PEX5: variants seen among roughly 807,000 people sequenced by gnomAD.
PEX5 encodes peroxisomal biogenesis factor 5.
In PEX5, 52 loss-of-function variants were observed where a neutral mutation model predicts 82.9. The observed-to-expected ratio is 0.63, with a 90% CI of 0.50 to 0.79. PEX5 has a LOEUF of 0.79. PEX5 is among the 30% of genes least tolerant of loss of function. The probability of loss-of-function intolerance (pLI) is 0.00; values close to 1 mark genes in which losing one functional copy is unlikely to be tolerated. For missense variants in PEX5, 719 were observed against 815.2 expected (o/e 0.88, Z 1.44); for synonymous variants, 300 against 318.8 (o/e 0.94, Z 0.63).
At chr12:7,209,900 C>G (rs1487080772) in intron 15 of PEX5, 60 bp downstream of exon 15, 19 of 1,605,392 alleles carry the variant, frequency 1.2e-5, no homozygotes, top group Non-Finnish European at 1.4e-5. Flanking sequence ...TTGGCCCTAG[C>G]TCCTTATTCT....
At chr12:7,216,891 A>C (rs1945795090) in intron 17 of PEX5, among the ~76,000 whole-genome samples, 1 of 152,208 alleles carries the variant, frequency 6.6e-6, no homozygotes, top group South Asian at 2.1e-4. Context: ...AAAGGAGATA[A>C]AGTGTTTGTG....
rs1393674968 is a variant in PEX5 at position 7,208,459 on chromosome 12, G to A, written c.1184G>A (p.Cys395Tyr). The change falls in exon 13 of 16, where the codon TGT (cysteine) becomes TAT (tyrosine). Residue 395 changes from cysteine (C) to tyrosine (Y), a missense_variant and splice_region_variant. By Grantham distance (194) the Cys-to-Tyr change is radical (BLOSUM62 -2). Coordinates refer to ENST00000675855, the MANE Select transcript of PEX5 (RefSeq NM_001351132.2). Reference protein sequence around the residue: ...ELLAISALRRCLELKPDNQTA... With the variant: ...ELLAISALRRYLELKPDNQTA... The stretch of plus-strand genomic sequence containing the variant: ...TCTGCCCATCCCTGATCAAACAGGT[G>A]TCTGGAGCTAAAGCCAGATAACCAG... 6.2e-7 allele frequency: 1 copy of A among 1,613,020 alleles called. No homozygotes were observed. Among genetic ancestry groups the A allele is most frequent in the South Asian group, 1.1e-5 (1 of 91,048 alleles).
At chr12:7,215,636 G>A (rs1385573494), downstream of PEX5, among the ~76,000 whole-genome samples, 2 of 152,078 alleles carry the variant, frequency 1.3e-5, no homozygotes, top group Non-Finnish European at 2.9e-5. Context: ...AAATTAACAC[G>A]GGAACAGAAA....
rs768913130 is a variant in PEX5, at chr12:7,201,857, C to T, written c.642+16C>T. ...TAATTCTGAGGTGAGCCACATCCCT[C>T]TGCTGCTTTGCCCAGCAGAGCTGGT... On this transcript the variant is annotated intron_variant, in intron 7 of 15. Transcript: ENST00000675855. The T allele has an allele frequency of 1.8e-5, 29 of 1,583,404 alleles. No homozygotes were observed. The highest frequency in any genetic ancestry group is 2.3e-5 in the Non-Finnish European group (27 of 1,152,388).
downstream of PEX5, among the ~76,000 whole-genome samples, chr12:7,214,365 T>G (rs12228601): frequency 2.0e-5 from 3 of 151,520 alleles, no homozygotes; most frequent in Non-Finnish European, 2.9e-5. Flanking sequence ...GTGGCACATA[T>G]ACACCATGGA....
chr12:7,201,197 A>C (rs140063691), intron 6 of PEX5, among the ~76,000 whole-genome samples: 1 of 151,986 alleles, frequency 6.6e-6, no homozygotes, highest in Non-Finnish European at 1.5e-5. Context: ...GCATACATAC[A>C]CATACATGTG....
At chr12:7,199,714 A>G (rs149438189) in intron 6 of PEX5, among the ~76,000 whole-genome samples, 108,314 of 147,816 alleles carry the variant, frequency 0.73, 40,527 homozygotes, top group South Asian at 0.84. Context: ...TCAATGAGCT[A>G]TTGGGTACAC....
downstream of PEX5, among the ~76,000 whole-genome samples, chr12:7,213,637 AGGCAT>A (rs1246697664): frequency 2.4e-4 from 36 of 149,678 alleles, no homozygotes; most frequent in African/African-American, 8.4e-4. Context: ...AAGAAAACCT[AGGCAT>A]TACCATTCAG....
downstream of PEX5, among the ~76,000 whole-genome samples, chr12:7,211,722 GT>G (rs1275644563): frequency 2.0e-5 from 3 of 152,266 alleles, no homozygotes; most frequent in East Asian, 5.8e-4. Context: ...AAAGTGTGCA[GT>G]GCCATATAAT....
chr12:7,201,616 T>G (rs921803057), intron 6 of PEX5, 135 bp from the exon 7 acceptor site: 5 of 725,296 alleles, frequency 6.9e-6, no homozygotes, highest in Non-Finnish European at 1.3e-5. Context: ...ATAATGCAAA[T>G]TGGAGTTTGT....
chr12:7,209,915 T>C, intron 15 of PEX5, 75 bp downstream of exon 15: 1 of 1,602,176 alleles, frequency 6.2e-7, no homozygotes, highest in Non-Finnish European at 8.5e-7. Context: ...TATTCTTAGA[T>C]CCTGTTTGAC....
intron 1 of PEX5, 62 bp from the exon 2 acceptor site, chr12:7,190,300 G>A: frequency 1.9e-6 from 3 of 1,601,868 alleles, no homozygotes; most frequent in East Asian, 2.2e-5. Context: ...TACGGGCAGA[G>A]TTGTGGATGT....
chr12:7,213,065 G>C (rs1009071950), downstream of PEX5, among the ~76,000 whole-genome samples: 1 of 151,930 alleles, frequency 6.6e-6, no homozygotes, highest in African/African-American at 2.4e-5. Context: ...CAGTGCTCAA[G>C]GAAATAAAAG....
rs1460981277 is a variant in PEX5 at position 7,209,741 on chromosome 12, A to G, written c.1619A>G (p.Glu540Gly). The G allele has an allele frequency of 6.7e-7, 1 of 1,492,438 alleles. No individual in the cohort carries two copies. Among genetic ancestry groups the G allele is most frequent in the Admixed American group, 2.0e-5 (1 of 50,602 alleles). 92.4% of individuals were successfully genotyped at this position (1,492,438 alleles called of 1,614,324 possible). Residue 540 changes from glutamate (E) to glycine (G), a missense_variant, in exon 15 of 16, where the codon GAA becomes GGA. Glu to Gly is a moderately conservative substitution (Grantham distance 98). Transcript: ENST00000675855. ...ATLANGNQSE[E>G]AVAAYRRALE... ...CTGGCCAATGGAAACCAGAGTGAAG[A>G]AGCAGTAGCTGCGTACCGCCGGGCC...
At chr12:7,189,956 G>A in intron 1 of PEX5, 7 of 1,490,720 alleles carry the variant, frequency 4.7e-6, no homozygotes, top group Non-Finnish European at 6.2e-6. Flanking sequence ...CGTGCTCACC[G>A]CGTGCTGGGG....
intron 6 of PEX5, 48 bp from the exon 7 acceptor site, chr12:7,201,703 G>T: frequency 7.7e-7 from 1 of 1,291,884 alleles, no homozygotes; most frequent in Non-Finnish European, 1.1e-6. Flanking sequence ...GTAGCATGGG[G>T]AGGGTGATGG....
rs372442728 is a variant in PEX5 at position 7,197,418 on chromosome 12, TTA to T, written c.449-1589_449-1588del. ...TATATATATGTCATATACAATGTAA[TTA>T]TATGTCATATACAATGTAATTATGT... On this transcript the variant is annotated intron_variant, in intron 5 of 15. Transcript: ENST00000675855. Among the ~76,000 whole-genome samples the T allele has an allele frequency of 4.6e-3, 134 of 28,888 alleles. 31 individuals are homozygous for T. Among genetic ancestry groups the T allele is most frequent in the African/African-American group, 9.5e-3 (120 of 12,574 alleles). The allele number at this position is 28,888 out of a possible 152,430, so 19.0% of individuals were successfully genotyped here.
Position 7,211,017 on chromosome 12 carries a change from AG to A in PEX5, c.*799del, listed in dbSNP as rs1945508305. On this transcript the variant is annotated 3_prime_UTR_variant, in exon 16 of 16. Coordinates refer to ENST00000675855, the MANE Select transcript of PEX5 (RefSeq NM_001351132.2). ...TGGTGGGAGGACAGAGCAAGTGGGAAGGGGGTATGGTGAGTGCGGCAATCCC... is the reference window on the plus strand; with the variant it reads ...TGGTGGGAGGACAGAGCAAGTGGGAAGGGGTATGGTGAGTGCGGCAATCCC... The A allele has an allele frequency of 6.7e-6, 1 of 148,420 alleles. No homozygotes were observed. The highest frequency in any genetic ancestry group is 2.8e-5 in the African/African-American group (1 of 36,074). The allele number at this position is 148,420 out of a possible 1,614,324, so 9.2% of individuals were successfully genotyped here. A position where few individuals can be genotyped will look rare whatever the true frequency, so the allele number is the denominator to read the frequency against.
At chr12:7,200,303 A>G (rs1252365904) in intron 6 of PEX5, among the ~76,000 whole-genome samples, 2 of 150,536 alleles carry the variant, frequency 1.3e-5, no homozygotes, top group African/African-American at 4.9e-5. Flanking sequence ...GTGGTCGGGC[A>G]GAGACGCTCC....
Sources: gnomAD v4.1 joint callset for allele counts (sites outside exome capture counted in the v4.1 genomes callset) on GRCh38, gnomAD v4.1.1 for gene constraint, MANE v1.5 for transcripts, NCBI Gene and HGNC (gene_info 2026-07-23, HGNC 2026-07-21) for gene names.